NCAM2: variants seen among roughly 807,000 people sequenced by gnomAD.
NCAM2 encodes N-CAM-2.
In NCAM2, 30 loss-of-function variants were observed where a neutral mutation model predicts 98.1. The observed-to-expected ratio is 0.31, with a 90% CI of 0.23 to 0.41. The LOEUF (loss-of-function observed/expected upper bound fraction) is 0.41, where lower values mean the gene tolerates loss of function less well. NCAM2 is among the 10% of genes least tolerant of loss of function. The probability of loss-of-function intolerance (pLI) is 1.00; values close to 1 mark genes in which losing one functional copy is unlikely to be tolerated. For synonymous variants in NCAM2, 368 were observed against 342.4 expected (o/e 1.07, Z -0.83); for missense variants, 867 against 1,005.8 (o/e 0.86, Z 1.87).
chr21:21,169,252 A>G (rs190555397), intron 1 of NCAM2, among the ~76,000 whole-genome samples: 3 of 152,314 alleles, frequency 2.0e-5, no homozygotes, highest in African/African-American at 7.2e-5. Flanking sequence ...AACTGAATCT[A>G]GACAACGACC....
chr21:21,456,987 T>A (rs1029635054), intron 12 of NCAM2, among the ~76,000 whole-genome samples: 2 of 152,154 alleles, frequency 1.3e-5, no homozygotes, highest in African/African-American at 2.4e-5. Context: ...GATATTCTCT[T>A]ATAATTGTCT....
chr21:21,215,653 G>A (rs1324561158), intron 1 of NCAM2, among the ~76,000 whole-genome samples: 7 of 152,040 alleles, frequency 4.6e-5, no homozygotes, highest in South Asian at 2.1e-4. Flanking sequence ...GCTTGATCCC[G>A]GGAGGCAAAG....
intron 6 of NCAM2, among the ~76,000 whole-genome samples, chr21:21,327,297 A>G (rs1321002050): frequency 8.8e-6 from 1 of 113,444 alleles, no homozygotes; most frequent in Non-Finnish European, 1.7e-5. Flanking sequence ...ACAGAGCAAG[A>G]CTCTGTCTCA....
chr21:21,501,339 T>G (rs1351881573), intron 15 of NCAM2, among the ~76,000 whole-genome samples: 1 of 151,920 alleles, frequency 6.6e-6, no homozygotes, highest in Non-Finnish European at 1.5e-5. Flanking sequence ...TAACGCAAAA[T>G]TTTGCCATAA....
At chr21:21,498,039 C>T (rs541369054) in intron 15 of NCAM2, among the ~76,000 whole-genome samples, 2 of 152,118 alleles carry the variant, frequency 1.3e-5, no homozygotes, top group South Asian at 2.1e-4. Context: ...TGATTTTACA[C>T]AATCTACATC....
intron 1 of NCAM2, among the ~76,000 whole-genome samples, chr21:21,211,351 A>G (rs1056048045): frequency 6.6e-6 from 1 of 152,170 alleles, no homozygotes; most frequent in African/African-American, 2.4e-5. Context: ...CACATACTTT[A>G]TTTAATCCTT....
At chr21:21,034,062 G>A (rs1481374890) in intron 1 of NCAM2, among the ~76,000 whole-genome samples, 2 of 148,208 alleles carry the variant, frequency 1.3e-5, no homozygotes, top group South Asian at 2.3e-4. Context: ...AGGGGGGGGG[G>A]AAACAAAGAT....
chr21:21,522,132 A>G (rs1041678889), intron 16 of NCAM2, among the ~76,000 whole-genome samples: 3 of 148,010 alleles, frequency 2.0e-5, no homozygotes, highest in Non-Finnish European at 4.5e-5. Context: ...TTTATATATA[A>G]ATATGAATAT....
At chr21:21,071,786 C>G (rs369398265) in intron 1 of NCAM2, among the ~76,000 whole-genome samples, 1 of 151,658 alleles carries the variant, frequency 6.6e-6, no homozygotes, top group East Asian at 1.9e-4. Context: ...TAAATATCTG[C>G]GGAAAAAAGG....
chr21:21,331,517 C>CTCTCTCTCTCTCTATATA (rs1483062198), intron 6 of NCAM2, among the ~76,000 whole-genome samples: 1 of 6,938 alleles, frequency 1.4e-4, no homozygotes, highest in African/African-American at 5.5e-4. Context: ...CTCTCTCTCT[C>CTCTCTCTCTCTCTATATA]TATATATATA....
chr21:21,142,137 T>G (rs575115408), intron 1 of NCAM2, among the ~76,000 whole-genome samples: 1 of 152,156 alleles, frequency 6.6e-6, no homozygotes, highest in African/African-American at 2.4e-5. Context: ...TATTCCATGA[T>G]GCACATAAAG....
At chr21:21,092,024 T>G (rs1361723160) in intron 1 of NCAM2, among the ~76,000 whole-genome samples, 1 of 152,082 alleles carries the variant, frequency 6.6e-6, no homozygotes, top group African/African-American at 2.4e-5. Flanking sequence ...TATTTGAAAA[T>G]AAACAAATGA....
At chr21:21,182,530 A>G (rs2068514293) in intron 1 of NCAM2, among the ~76,000 whole-genome samples, 1 of 152,136 alleles carries the variant, frequency 6.6e-6, no homozygotes, top group Non-Finnish European at 1.5e-5. Flanking sequence ...CATCTCTATT[A>G]TCCCAGCTAT....
intron 1 of NCAM2, among the ~76,000 whole-genome samples, chr21:21,027,405 G>T (rs1370692347): frequency 6.6e-6 from 1 of 152,040 alleles, no homozygotes; most frequent in Non-Finnish European, 1.5e-5. Context: ...TTTCCTGCCA[G>T]GAACTATAAG....
intron 1 of NCAM2, among the ~76,000 whole-genome samples, chr21:21,198,438 C>G (rs558930646): frequency 6.6e-6 from 1 of 152,224 alleles, no homozygotes; most frequent in Non-Finnish European, 1.5e-5. Flanking sequence ...AAAAAATGCA[C>G]TGAATTATCA....
intron 1 of NCAM2, among the ~76,000 whole-genome samples, chr21:21,080,628 A>T (rs2065774206): frequency 8.9e-6 from 1 of 112,274 alleles, no homozygotes; most frequent in South Asian, 3.4e-4. Context: ...AAAAAAAAAG[A>T]CTTCCTAAGT....
At chr21:21,143,168 T>A (rs1013801331) in intron 1 of NCAM2, among the ~76,000 whole-genome samples, 2 of 152,218 alleles carry the variant, frequency 1.3e-5, no homozygotes, top group African/African-American at 4.8e-5. Flanking sequence ...AGGTTCCTAT[T>A]TAGCCAACCC....
intron 5 of NCAM2, among the ~76,000 whole-genome samples, chr21:21,295,045 A>G (rs2073427161): frequency 6.6e-6 from 1 of 151,568 alleles, no homozygotes; most frequent in African/African-American, 2.4e-5. Flanking sequence ...ATCTTTACCA[A>G]TTTGACATTT....
chr21:21,208,143 A>G (rs1357236435), intron 1 of NCAM2, among the ~76,000 whole-genome samples: 1 of 152,190 alleles, frequency 6.6e-6, no homozygotes, highest in African/African-American at 2.4e-5. Context: ...AATTACAATC[A>G]GTTGCTAGAA....
Sources: gnomAD v4.1 joint callset for allele counts (sites outside exome capture counted in the v4.1 genomes callset) on GRCh38, gnomAD v4.1.1 for gene constraint, MANE v1.5 for transcripts, NCBI Gene and HGNC (gene_info 2026-07-23, HGNC 2026-07-21) for gene names.